Variants in PCLO observed in about 807,000 individuals in gnomAD.
PCLO encodes protein piccolo.
A neutral mutation model predicts 427.5 loss-of-function variants in PCLO; 82 were observed. That is an observed-to-expected ratio of 0.19 (90% confidence interval 0.16 to 0.23). The LOEUF is 0.23. PCLO is among the 10% of genes least tolerant of loss of function. The pLI is 1.00. For missense variants in PCLO, 6,239 were observed against 6,115.9 expected (o/e 1.02, Z -0.67); for synonymous variants, 2,357 against 2,155.4 (o/e 1.09, Z -2.59).
At chr7:83,073,066 A>T (rs1013952094) in intron 3 of PCLO, among the ~76,000 whole-genome samples, 1 of 151,744 alleles carries the variant, frequency 6.6e-6, no homozygotes, top group African/African-American at 2.4e-5. Context: ...ATTGCTACTC[A>T]CTTGGACAAT....
Position 83,060,509 on chromosome 7 carries a change from A to T in PCLO, c.3300+73741T>A, listed in dbSNP as rs531797958. On this transcript the variant is annotated intron_variant, in intron 3 of 24. Transcript: ENST00000333891. Reference sequence around the variant, plus strand: ...CCAGCTGCTGCTCAGCACTTCTCTCAGTTTGATGACCTCACCACTGTACCT... The same window carrying T: ...CCAGCTGCTGCTCAGCACTTCTCTCTGTTTGATGACCTCACCACTGTACCT... 3.3e-5 allele frequency among the ~76,000 whole-genome samples: 5 copies of T among 152,200 alleles called. No individual in the cohort carries two copies. The South Asian group carries it at 1.0e-3, about 32-fold the overall frequency.
intron 10 of PCLO, among the ~76,000 whole-genome samples, chr7:82,856,747 T>TC: frequency 6.6e-6 from 1 of 152,170 alleles, no homozygotes; most frequent in Admixed American, 6.6e-5. Context: ...TTACTAACTT[T>TC]CTAATAAAAT....
chr7:82,873,123 G>T (rs949827897), intron 10 of PCLO, among the ~76,000 whole-genome samples: 19 of 149,186 alleles, frequency 1.3e-4, no homozygotes, highest in Admixed American at 7.4e-4. Context: ...TGGTAAAATT[G>T]TAAGACAATG....
chr7:82,924,292 C>A (rs145859612), intron 6 of PCLO, among the ~76,000 whole-genome samples: 2 of 152,188 alleles, frequency 1.3e-5, no homozygotes, highest in Admixed American at 1.3e-4. Context: ...ACCTGATTAT[C>A]TTGCCTTGTT....
intron 3 of PCLO, among the ~76,000 whole-genome samples, chr7:83,005,054 A>C (rs1787914380): frequency 7.3e-6 from 1 of 137,760 alleles, no homozygotes; most frequent in African/African-American, 2.9e-5. Context: ...GATACATTGT[A>C]GGAGGGAATG....
intron 3 of PCLO, among the ~76,000 whole-genome samples, chr7:83,121,912 A>C (rs1287730387): frequency 6.6e-6 from 1 of 152,150 alleles, no homozygotes; most frequent in Non-Finnish European, 1.5e-5. Flanking sequence ...TCCCCAACAA[A>C]ATACTAGTAA....
intron 24 of PCLO, among the ~76,000 whole-genome samples, chr7:82,759,651 A>G (rs1397598021): frequency 1.3e-5 from 2 of 151,910 alleles, no homozygotes; most frequent in African/African-American, 2.4e-5. Flanking sequence ...TAATCTTCTC[A>G]ATACATTTTT....
intron 3 of PCLO, among the ~76,000 whole-genome samples, chr7:83,104,253 A>T (rs1790801193): frequency 6.6e-6 from 1 of 152,078 alleles, no homozygotes; most frequent in Non-Finnish European, 1.5e-5. Context: ...TGGTCACACA[A>T]GTAAATTCAA....
chr7:82,972,644 T>C (rs544206141), intron 3 of PCLO, among the ~76,000 whole-genome samples: 49 of 152,130 alleles, frequency 3.2e-4, no homozygotes, highest in Non-Finnish European at 4.9e-4. Flanking sequence ...TTTCCACCCA[T>C]AGAAGTATGT....
Position 82,984,408 on chromosome 7 carries a change from C to CTGTGTGTGTGTGTGTG in PCLO, c.3301-17937_3301-17922dup, listed in dbSNP as rs5885327. 4.4e-3 allele frequency among the ~76,000 whole-genome samples: 596 copies of CTGTGTGTGTGTGTGTG among 135,918 alleles called. 9 individuals carry two copies. Among genetic ancestry groups the CTGTGTGTGTGTGTGTG allele is most frequent in the African/African-American group, 0.016 (557 of 35,878 alleles). The allele number at this position is 135,918 out of a possible 152,430, so 89.2% of individuals were successfully genotyped here. ...CCTTAGTTTATTTCAAATGTGGTGT[C>CTGTGTGTGTGTGTGTG]TGTGTGTGTGTGTGTGTGTGTGTGT... On this transcript the variant is annotated intron_variant, in intron 3 of 24. Transcript: ENST00000333891.
Position 82,965,656 on chromosome 7 carries a change from T to C in PCLO, c.4017+115A>G, listed in dbSNP as rs1365905880. On this transcript the variant is annotated intron_variant, in intron 4 of 24. Coordinates refer to ENST00000333891, the MANE Select transcript of PCLO (RefSeq NM_033026.6). ...GTGTTATACTTCTTTAAGAATGTCA[T>C]TCATTGTTTGAGGAACTTCACTTAT... The C allele has an allele frequency of 2.6e-5, 17 of 652,280 alleles. No individual in the cohort carries two copies. In the Admixed American group the frequency reaches 5.4e-4, roughly 21 times the overall value. 40.4% of individuals were successfully genotyped at this position (652,280 alleles called of 1,614,324 possible).
chr7:82,982,315 G>T (rs570229457), intron 3 of PCLO, among the ~76,000 whole-genome samples: 15 of 152,144 alleles, frequency 9.9e-5, no homozygotes, highest in East Asian at 1.9e-4. Flanking sequence ...ATATAGAGTG[G>T]GGGATGAGAC....
chr7:83,131,472 A>G (rs1331729017), intron 3 of PCLO, among the ~76,000 whole-genome samples: 1 of 152,140 alleles, frequency 6.6e-6, no homozygotes, highest in Admixed American at 6.5e-5. Context: ...TCTTCTCACA[A>G]CCGGAGAAAC....
chr7:82,933,983 A>G (rs1794895774), intron 6 of PCLO, among the ~76,000 whole-genome samples: 1 of 151,382 alleles, frequency 6.6e-6, no homozygotes, highest in Admixed American at 6.6e-5. Context: ...AAATCATTAC[A>G]TATGTTTACC....
At chr7:82,924,752 TAG>T (rs1794674497) in intron 6 of PCLO, among the ~76,000 whole-genome samples, 1 of 152,036 alleles carries the variant, frequency 6.6e-6, no homozygotes, top group African/African-American at 2.4e-5. Flanking sequence ...ATCAGGTGCA[TAG>T]CTAAGCTTAA....
intron 8 of PCLO, among the ~76,000 whole-genome samples, chr7:82,905,972 C>G (rs1262953861): frequency 6.6e-6 from 1 of 151,392 alleles, no homozygotes; most frequent in Non-Finnish European, 1.5e-5. Flanking sequence ...CAAAGCAGTG[C>G]TGAATTTCTA....
chr7:83,035,541 GT>G (rs756053741), intron 3 of PCLO, among the ~76,000 whole-genome samples: 4 of 151,940 alleles, frequency 2.6e-5, no homozygotes, highest in Admixed American at 6.6e-5. Context: ...ATATTAACTG[GT>G]TTTATGTCCA....
intron 20 of PCLO, among the ~76,000 whole-genome samples, chr7:82,809,924 A>G (rs142895391): frequency 6.6e-6 from 1 of 151,794 alleles, no homozygotes; most frequent in East Asian, 1.9e-4. Flanking sequence ...TTTAATGAGA[A>G]TACACTAACC....
Position 82,955,917 on chromosome 7 carries a change from T to C in PCLO, c.5036A>G (p.Lys1679Arg). The change falls in exon 5 of 25, where the codon AAA becomes AGA. Residue 1679 changes from lysine to arginine, a missense_variant. Physicochemically the swap from Lys to Arg is conservative, Grantham distance 26 (BLOSUM62 2). Transcript: ENST00000333891. ...TIELNSTIADKYSAESSQKKT... is the reference protein window; with the variant it reads ...TIELNSTIADRYSAESSQKKT... Reference sequence around the variant, plus strand: ...TTTCTGTGATGACTCTGCAGAATATTTATCTGCTATTGTACTGTTGAGCTC... The same window carrying C: ...TTTCTGTGATGACTCTGCAGAATATCTATCTGCTATTGTACTGTTGAGCTC... 1 of 1,613,952 alleles carries C rather than the reference T, an allele frequency of 6.2e-7. No individual in the cohort carries two copies. Among genetic ancestry groups the C allele is most frequent in the Non-Finnish European group, 8.5e-7 (1 of 1,179,874 alleles).
Sources: allele counts gnomAD v4.1 joint callset (sites outside exome capture counted in the v4.1 genomes callset), GRCh38; gene constraint gnomAD v4.1.1; transcripts MANE v1.5; gene names NCBI Gene and HGNC (gene_info 2026-07-23, HGNC 2026-07-21).